Variants in SLC22A24 observed in about 807,000 individuals in gnomAD.
SLC22A24 encodes the protein steroid transmembrane transporter SLC22A24.
In SLC22A24, 53 loss-of-function variants were observed where a neutral mutation model predicts 49.8. That is an observed-to-expected ratio of 1.06 (90% CI 0.85 to 1.34). SLC22A24 has a LOEUF of 1.34. Ranked by LOEUF, SLC22A24 falls within the 40% of genes most tolerant of loss-of-function variation. The pLI, the probability that SLC22A24 is intolerant of heterozygous loss-of-function variation, is 0.00. For synonymous variants in SLC22A24, 302 were observed against 256.4 expected (o/e 1.18, Z -1.70); for missense variants, 786 against 675.9 (o/e 1.16, Z -1.81).
At chr11:63,107,420 T>C (rs1214664819) in intron 4 of SLC22A24, among the ~76,000 whole-genome samples, 2 of 152,188 alleles carry the variant, frequency 1.3e-5, no homozygotes, top group Non-Finnish European at 2.9e-5. Flanking sequence ...TGTGGGCTCT[T>C]TTTTGGTTCC....
chr11:63,084,853 A>G (rs528603490), intron 6 of SLC22A24, among the ~76,000 whole-genome samples: 2 of 152,334 alleles, frequency 1.3e-5, no homozygotes, highest in East Asian at 1.9e-4. Flanking sequence ...CTAACTCTGA[A>G]TGAATATCTG....
At chr11:63,088,620 T>C (rs2087001292) in intron 6 of SLC22A24, among the ~76,000 whole-genome samples, 1 of 151,810 alleles carries the variant, frequency 6.6e-6, no homozygotes, top group African/African-American at 2.4e-5. Context: ...AGGTGGGTAA[T>C]AACTCCTCTG....
chr11:63,122,735 T>A (rs905618527), intron 2 of SLC22A24, among the ~76,000 whole-genome samples: 4 of 152,104 alleles, frequency 2.6e-5, no homozygotes, highest in Non-Finnish European at 5.9e-5. Context: ...TTGGCCAGGA[T>A]GGTCTTGATC....
intron 4 of SLC22A24, among the ~76,000 whole-genome samples, chr11:63,111,403 G>T (rs1408949092): frequency 6.6e-6 from 1 of 151,608 alleles, no homozygotes; most frequent in African/African-American, 2.4e-5. Flanking sequence ...TCTATTGATT[G>T]GAATAGTTTC....
chr11:63,103,753 G>A lies in SLC22A24; in HGVS notation c.954+422C>T, dbSNP rs568831785. Among the ~76,000 whole-genome samples, 8 of 152,044 alleles carry A rather than the reference G, an allele frequency of 5.3e-5. No homozygotes were observed. The East Asian group carries it at 1.5e-3, about 29-fold the overall frequency. ...TATTTGACTTATTTGGTGCTCAATG[G>A]GATATTTATTGAATTATTGAATAAA... is the stretch of plus-strand genomic sequence containing the variant. On this transcript the variant is annotated intron_variant, in intron 5 of 9. Coordinates refer to ENST00000612278, the MANE Select transcript of SLC22A24 (RefSeq NM_001136506.2).
chr11:63,104,307 A>C lies in SLC22A24; in HGVS notation c.831-9T>G. ...CAGACTCCACCATCTTCCTGATGAA[A>C]GAAGACAACATAGGTATAGTAAACA... On this transcript the variant is annotated splice_polypyrimidine_tract_variant and intron_variant, in intron 4 of 9. Coordinates refer to ENST00000612278, the MANE Select transcript of SLC22A24 (RefSeq NM_001136506.2). 6.5e-7 allele frequency: 1 copy of C among 1,547,344 alleles called. No individual in the cohort carries two copies. Among genetic ancestry groups the C allele is most frequent in the Non-Finnish European group, 8.7e-7 (1 of 1,146,150 alleles).
intron 6 of SLC22A24, among the ~76,000 whole-genome samples, chr11:63,085,619 TAAAG>T (rs1294522336): frequency 6.6e-6 from 1 of 152,108 alleles, no homozygotes; most frequent in Non-Finnish European, 1.5e-5. Context: ...GATGAACAAA[TAAAG>T]AAATAAAAAG....
At chr11:63,119,434 A>C in intron 2 of SLC22A24, 99 bp from the exon 3 acceptor site, 1 of 1,153,656 alleles carries the variant, frequency 8.7e-7, no homozygotes, top group South Asian at 1.7e-5. Context: ...ATAAATGTTT[A>C]ACAAGTGGAA....
intron 4 of SLC22A24, among the ~76,000 whole-genome samples, chr11:63,113,280 C>G (rs2087188179): frequency 1.3e-5 from 2 of 148,402 alleles, no homozygotes; most frequent in African/African-American, 5.1e-5. Flanking sequence ...TTACATGTGA[C>G]TTTGATCCTG....
Position 63,124,202 on chromosome 11 carries a change from A to T in SLC22A24, c.507-4867T>A, listed in dbSNP as rs541942140. On this transcript the variant is annotated intron_variant, in intron 2 of 9. Transcript: ENST00000612278. ...AGGTAATAGATGAGGTGAGAAAGGG[A>T]TACAGCAGCCAGATCTCAGAGCTGG... Among the ~76,000 whole-genome samples, 7 of 152,262 alleles carry T rather than the reference A, an allele frequency of 4.6e-5. No individual in the cohort carries two copies. In the South Asian group the frequency reaches 8.3e-4, roughly 18 times the overall value.
intron 2 of SLC22A24, among the ~76,000 whole-genome samples, chr11:63,126,224 G>A (rs2087289615): frequency 6.6e-6 from 1 of 152,130 alleles, no homozygotes; most frequent in Admixed American, 6.5e-5. Flanking sequence ...TAGATGTGAA[G>A]TCTTTGCCCA....
At chr11:63,095,710 A>G (rs1223709232) in intron 6 of SLC22A24, among the ~76,000 whole-genome samples, 1 of 152,208 alleles carries the variant, frequency 6.6e-6, no homozygotes, top group Non-Finnish European at 1.5e-5. Flanking sequence ...AAAAAATTAA[A>G]CTATGTTTTA....
At chr11:63,081,449 T>G in intron 8 of SLC22A24, 109 bp downstream of exon 8, 3 of 783,084 alleles carry the variant, frequency 3.8e-6, no homozygotes, top group South Asian at 3.1e-5. Flanking sequence ...TCATTTCTAT[T>G]ACAGTTAATT....
chr11:63,112,336 G>T (rs960691244), intron 4 of SLC22A24, among the ~76,000 whole-genome samples: 6 of 152,128 alleles, frequency 3.9e-5, no homozygotes, highest in Non-Finnish European at 8.8e-5. Context: ...GTTGATTTGG[G>T]GTAGAGAGTT....
intron 2 of SLC22A24, among the ~76,000 whole-genome samples, chr11:63,131,585 T>A (rs1458522381): frequency 6.6e-6 from 1 of 152,220 alleles, no homozygotes; most frequent in African/African-American, 2.4e-5. Context: ...ATTCTTTTTT[T>A]AAGAATGTTG....
intron 4 of SLC22A24, among the ~76,000 whole-genome samples, chr11:63,105,431 G>A (rs2087114956): frequency 6.6e-6 from 1 of 152,102 alleles, no homozygotes; most frequent in Non-Finnish European, 1.5e-5. Flanking sequence ...ACTTCTTCCT[G>A]GACATCTAAG....
chr11:63,111,589 T>C (rs967401755), intron 4 of SLC22A24, among the ~76,000 whole-genome samples: 12 of 152,032 alleles, frequency 7.9e-5, no homozygotes, highest in Admixed American at 5.9e-4. Context: ...AGAGTGTATG[T>C]GTCGAGGAAT....
intron 2 of SLC22A24, among the ~76,000 whole-genome samples, chr11:63,133,313 G>T (rs986728614): frequency 6.6e-6 from 1 of 152,158 alleles, no homozygotes; most frequent in Admixed American, 6.5e-5. Context: ...CCCTCAATGG[G>T]TTGCACCCAC....
At chr11:63,139,262 CAGA>C (rs1272188907) in intron 1 of SLC22A24, among the ~76,000 whole-genome samples, 1 of 151,980 alleles carries the variant, frequency 6.6e-6, no homozygotes, top group Admixed American at 6.6e-5. Context: ...TTGGGAAAAA[CAGA>C]AGGTGCCACA....
Sources: gnomAD v4.1 joint callset for allele counts (sites outside exome capture counted in the v4.1 genomes callset) on GRCh38, gnomAD v4.1.1 for gene constraint, MANE v1.5 for transcripts, NCBI Gene and HGNC (gene_info 2026-07-23, HGNC 2026-07-21) for gene names.